WDR41: variants seen among roughly 807,000 people sequenced by gnomAD.
WDR41 encodes WD repeat domain 41.
In WDR41, 63 loss-of-function variants were observed where a neutral mutation model predicts 69.3. The ratio of observed to expected loss-of-function variants is 0.91; its 90% CI spans 0.74 to 1.12. The LOEUF is 1.12. WDR41 is among the 50% of genes most tolerant of loss of function. The probability of loss-of-function intolerance (pLI) is 0.00; values close to 1 mark genes in which losing one functional copy is unlikely to be tolerated. For missense variants in WDR41, 543 were observed against 534.5 expected, an observed-to-expected ratio of 1.02 and a Z score of -0.16; for synonymous variants, 185 against 192.1, an observed-to-expected ratio of 0.96 and a Z score of 0.31.
chr5:77,556,095 CTTTTTTT>C (rs34372647), intron 1 of WDR41, among the ~76,000 whole-genome samples: 1 of 57,690 alleles, frequency 1.7e-5, no homozygotes, highest in Non-Finnish European at 3.1e-5. Context: ...AAAAGATGGA[CTTTTTTT>C]TTTTTTTTTT....
chr5:77,457,785 C>T (rs1328781455), intron 5 of WDR41, among the ~76,000 whole-genome samples: 1 of 138,134 alleles, frequency 7.2e-6, no homozygotes, highest in Non-Finnish European at 1.5e-5. Context: ...AACTGAACCA[C>T]TGAACTAAAT....
intron 1 of WDR41, among the ~76,000 whole-genome samples, chr5:77,503,381 C>A (rs1802050902): frequency 6.6e-6 from 1 of 151,980 alleles, no homozygotes; most frequent in African/African-American, 2.4e-5. Flanking sequence ...TAAAGCAAGT[C>A]CTGAGTGACC....
chr5:77,538,127 T>C (rs1743023078), intron 1 of WDR41, among the ~76,000 whole-genome samples: 1 of 152,178 alleles, frequency 6.6e-6, no homozygotes, highest in Non-Finnish European at 1.5e-5. Context: ...ACTCTCTATT[T>C]CCATGATTCC....
chr5:77,562,471 T>C (rs1450075002), intron 1 of WDR41, among the ~76,000 whole-genome samples: 3 of 152,198 alleles, frequency 2.0e-5, no homozygotes, highest in Non-Finnish European at 2.9e-5. Context: ...ATACCGATAA[T>C]ATATCTTCAT....
chr5:77,582,840 C>A lies in WDR41; in HGVS notation c.42+37639G>T, dbSNP rs374727480. The A allele has an allele frequency of 2.3e-5, 37 of 1,602,468 alleles. 1 individual carries two copies. The East Asian group carries it at 2.7e-4, about 12-fold the overall frequency. ...TGAAGTCAGTAAATGAACTAATCTA[C>A]AAGCGTGGTTATGGCAAAATCAATA... On this transcript the variant is annotated intron_variant, in intron 1 of 5. Coordinates refer to the WDR41 transcript ENST00000509971.
rs1039053837 is a variant in WDR41 at position 77,542,257 on chromosome 5, G to A, written c.43-52685C>T. On this transcript the variant is annotated intron_variant, in intron 1 of 5. Coordinates refer to the WDR41 transcript ENST00000509971. The stretch of plus-strand genomic sequence containing the variant: ...GACACATGGGGGAGAAGAACAACAC[G>A]CACGGGGGCCTACTGGAGGGTAAAG... 7.9e-5 allele frequency among the ~76,000 whole-genome samples: 12 copies of A among 152,054 alleles called. No homozygotes were observed. The South Asian group carries it at 8.3e-4, about 11-fold the overall frequency.
chr5:77,435,018 T>C (rs1431686372), intron 12 of WDR41, among the ~76,000 whole-genome samples: 5 of 152,176 alleles, frequency 3.3e-5, no homozygotes, highest in Non-Finnish European at 7.3e-5. Context: ...TCCCAGGCTT[T>C]ATCCCCTACT....
upstream of WDR41, among the ~76,000 whole-genome samples, chr5:77,496,647 T>C (rs949876959): frequency 6.6e-6 from 1 of 152,078 alleles, no homozygotes; most frequent in Non-Finnish European, 1.5e-5. Context: ...GTCCAAGCTC[T>C]TGGATAGAAA....
At chr5:77,461,092 A>G (rs989968309) in intron 4 of WDR41, among the ~76,000 whole-genome samples, 16 of 152,338 alleles carry the variant, frequency 1.1e-4, no homozygotes, top group Non-Finnish European at 1.6e-4. Flanking sequence ...CACTGCCTCA[A>G]AATATTGCTA....
chr5:77,468,580 T>A (rs4704423), intron 2 of WDR41, among the ~76,000 whole-genome samples: 50,038 of 151,732 alleles, frequency 0.33, 8,266 homozygotes, highest in Admixed American at 0.35. Context: ...CTTACTCATG[T>A]GAAGGCCTTT....
At chr5:77,438,699 G>A (rs1356439801) in intron 9 of WDR41, among the ~76,000 whole-genome samples, 1 of 152,120 alleles carries the variant, frequency 6.6e-6, no homozygotes, top group African/African-American at 2.4e-5. Flanking sequence ...GATAACCTGA[G>A]TTTTCATTTA....
At chr5:77,618,239 C>A (rs1272330894) in intron 1 of WDR41, among the ~76,000 whole-genome samples, 8 of 152,128 alleles carry the variant, frequency 5.3e-5, no homozygotes, top group Non-Finnish European at 1.5e-5. Flanking sequence ...CGCCCCATTC[C>A]CAGGGCCTGA....
chr5:77,531,375 T>C (rs1802526855), intron 1 of WDR41, among the ~76,000 whole-genome samples: 1 of 151,534 alleles, frequency 6.6e-6, no homozygotes, highest in Non-Finnish European at 1.5e-5. Flanking sequence ...CCAAGGAAAA[T>C]ATATAAATGG....
intron 1 of WDR41, among the ~76,000 whole-genome samples, chr5:77,527,439 G>T (rs932577206): frequency 6.6e-6 from 1 of 151,686 alleles, no homozygotes; most frequent in Non-Finnish European, 1.5e-5. Context: ...TCATACAAAA[G>T]ATATAATAAT....
chr5:77,579,950 T>C (rs1243670421), intron 1 of WDR41, among the ~76,000 whole-genome samples: 1 of 152,126 alleles, frequency 6.6e-6, no homozygotes, highest in Non-Finnish European at 1.5e-5. Context: ...GCTAAGGAAA[T>C]GACCACAAAT....
At chr5:77,596,888 G>A (rs188972607) in intron 1 of WDR41, among the ~76,000 whole-genome samples, 105 of 152,006 alleles carry the variant, frequency 6.9e-4, no homozygotes, top group African/African-American at 2.5e-3. Flanking sequence ...GGAGGTTAAG[G>A]GGGTGGATTG....
At chr5:77,590,904 C>CT (rs925810438) in intron 1 of WDR41, among the ~76,000 whole-genome samples, 3 of 152,072 alleles carry the variant, frequency 2.0e-5, no homozygotes, top group African/African-American at 7.2e-5. Flanking sequence ...AGTGCTCCCT[C>CT]TTTTTTTGTT....
intron 1 of WDR41, among the ~76,000 whole-genome samples, chr5:77,531,460 C>T (rs1033813669): frequency 1.6e-4 from 24 of 151,928 alleles, no homozygotes; most frequent in South Asian, 8.3e-4. Context: ...TATCACTTTG[C>T]GCCCACTAAG....
intron 1 of WDR41, among the ~76,000 whole-genome samples, chr5:77,524,547 G>A (rs772356397): frequency 5.9e-5 from 9 of 152,150 alleles, no homozygotes; most frequent in Non-Finnish European, 1.3e-4. Flanking sequence ...AGCTATAACT[G>A]GGCTACTGCA....
Sources: allele counts gnomAD v4.1 joint callset (sites outside exome capture counted in the v4.1 genomes callset), GRCh38; gene constraint gnomAD v4.1.1; transcripts MANE v1.5; gene names NCBI Gene and HGNC (gene_info 2026-07-23, HGNC 2026-07-21).